The following WDR19 variants were observed in gnomAD, a reference collection of about 807,000 sequenced individuals.
The protein encoded by WDR19 is WD repeat-containing protein 19.
In WDR19, 121 loss-of-function variants were observed where a neutral mutation model predicts 180.0. That is an observed-to-expected ratio of 0.67 (90% CI 0.58 to 0.78). The LOEUF is 0.78. Among genes scored for constraint, WDR19 ranks in the 30% least tolerant of loss-of-function variants. The probability of loss-of-function intolerance (pLI) is 0.00; values close to 1 mark genes in which losing one functional copy is unlikely to be tolerated. For missense variants in WDR19, 1,450 were observed against 1,640.7 expected, an observed-to-expected ratio of 0.88 and a Z score of 2.01; for synonymous variants, 497 against 540.7, an observed-to-expected ratio of 0.92 and a Z score of 1.12.
At chr4:39,201,033 C>T (rs1465927132) in intron 6 of WDR19, among the ~76,000 whole-genome samples, 1 of 152,050 alleles carries the variant, frequency 6.6e-6, no homozygotes, top group Non-Finnish European at 1.5e-5. Context: ...GTCAGAGAGT[C>T]CTAAAACTTC....
chr4:39,224,032 T>C (rs1272277911), intron 14 of WDR19, among the ~76,000 whole-genome samples: 1 of 152,198 alleles, frequency 6.6e-6, no homozygotes, highest in East Asian at 1.9e-4. Flanking sequence ...GTTTTATAAT[T>C]TTCAGCATAC....
At chr4:39,283,645 G>A (rs565979666) in intron 36 of WDR19, among the ~76,000 whole-genome samples, 106 of 151,658 alleles carry the variant, frequency 7.0e-4, no homozygotes, top group African/African-American at 2.5e-3. Flanking sequence ...TATAAATCCT[G>A]TAATACAATG....
intron 9 of WDR19, among the ~76,000 whole-genome samples, chr4:39,209,885 A>G (rs1011608760): frequency 1.3e-5 from 2 of 152,210 alleles, no homozygotes; most frequent in African/African-American, 4.8e-5. Flanking sequence ...ATAAAGGAAT[A>G]CTACAAACAA....
intron 9 of WDR19, among the ~76,000 whole-genome samples, chr4:39,214,145 CCAAATTTAATGTTCTTTCTATA>C (rs1449332104): frequency 5.3e-5 from 8 of 152,130 alleles, no homozygotes; most frequent in Non-Finnish European, 1.0e-4. Context: ...TCCTTCTGAT[CCAAATTTAATGTTCTTTCTATA>C]CTATAATTCA....
intron 9 of WDR19, among the ~76,000 whole-genome samples, chr4:39,208,542 A>G (rs1353171075): frequency 6.6e-6 from 1 of 151,986 alleles, no homozygotes; most frequent in Non-Finnish European, 1.5e-5. Flanking sequence ...ACCTCAAGTG[A>G]TCCACCCGCC....
In WDR19 at chr4:39,285,795, AAAATT is replaced by A. The variant is rs1301101610; in HGVS notation, c.*323_*327del. ...TTTGTATTTTGAAAAACTTTAAAAT[AAAATT>A]GTTGACTAGATATCTGTGACGTTTT... On this transcript the variant is annotated 3_prime_UTR_variant, in exon 37 of 37. Coordinates refer to ENST00000399820, the MANE Select transcript of WDR19 (RefSeq NM_025132.4). 6.6e-6 allele frequency: 1 copy of A among 152,244 alleles called. No individual in the cohort carries two copies. Among genetic ancestry groups the A allele is most frequent in the African/African-American group, 2.4e-5 (1 of 41,462 alleles). 9.4% of individuals were successfully genotyped at this position (152,244 alleles called of 1,614,324 possible).
chr4:39,191,687 A>G (rs1354745049), intron 4 of WDR19, among the ~76,000 whole-genome samples: 1 of 152,224 alleles, frequency 6.6e-6, no homozygotes, highest in African/African-American at 2.4e-5. Flanking sequence ...TTCATCAACC[A>G]GTTCATTCTT....
At chr4:39,249,960 A>C (rs1294360229) in intron 24 of WDR19, among the ~76,000 whole-genome samples, 4 of 152,216 alleles carry the variant, frequency 2.6e-5, no homozygotes, top group Non-Finnish European at 5.9e-5. Flanking sequence ...ATTCCAATCA[A>C]TAGAAAAAGA....
chr4:39,237,066 A>C (rs929055040), intron 20 of WDR19, among the ~76,000 whole-genome samples: 1 of 152,218 alleles, frequency 6.6e-6, no homozygotes, highest in Non-Finnish European at 1.5e-5. Flanking sequence ...TTCTTTTGAC[A>C]TTTATTATGA....
chr4:39,200,757 A>T (rs1234944542), intron 6 of WDR19, among the ~76,000 whole-genome samples: 1 of 152,212 alleles, frequency 6.6e-6, no homozygotes. Flanking sequence ...TAGGGCAGGG[A>T]TGGGGACCAC....
intron 14 of WDR19, among the ~76,000 whole-genome samples, chr4:39,219,934 T>C (rs1367375310): frequency 6.6e-6 from 1 of 152,090 alleles, no homozygotes; most frequent in Non-Finnish European, 1.5e-5. Context: ...TTTAGCAAAA[T>C]AGTGGCCGGT....
chr4:39,211,536 A>T (rs554236213), intron 9 of WDR19, among the ~76,000 whole-genome samples: 10 of 152,342 alleles, frequency 6.6e-5, no homozygotes, highest in Admixed American at 3.9e-4. Flanking sequence ...CAACTCCTAG[A>T]ACTAAAACTA....
At chr4:39,197,425 C>CA (rs11343008) in intron 5 of WDR19, among the ~76,000 whole-genome samples, 226 of 113,334 alleles carry the variant, frequency 2.0e-3, no homozygotes, top group African/African-American at 7.3e-3. Context: ...GACTCTATCT[C>CA]AAAAAAAAAA....
intron 31 of WDR19, among the ~76,000 whole-genome samples, chr4:39,270,479 A>G (rs59960384): frequency 0.13 from 19,910 of 152,116 alleles, 1,574 homozygotes; most frequent in East Asian, 0.21. Flanking sequence ...AGGTTCAAGC[A>G]ATTCTTCTGC....
intron 20 of WDR19, among the ~76,000 whole-genome samples, chr4:39,237,257 C>A (rs1731476605): frequency 6.6e-6 from 1 of 152,140 alleles, no homozygotes; most frequent in African/African-American, 2.4e-5. Flanking sequence ...AGGAGTTATT[C>A]TGTCAAAAAG....
intron 6 of WDR19, among the ~76,000 whole-genome samples, chr4:39,201,431 G>T (rs997097252): frequency 6.6e-6 from 1 of 152,126 alleles, no homozygotes; most frequent in African/African-American, 2.4e-5. Context: ...AGATGACTAT[G>T]TACCTTGCTA....
chr4:39,274,769 G>C (rs375132990), intron 32 of WDR19, 39 bp from the exon 33 acceptor site: 2 of 1,600,214 alleles, frequency 1.2e-6, no homozygotes, highest in Non-Finnish European at 1.7e-6. Context: ...GAGGACAGCA[G>C]ACACTGTGCT....
In WDR19 at chr4:39,228,561, T is replaced by G; in HGVS notation, c.1853T>G (p.Leu618Arg). The G allele has an allele frequency of 6.2e-7, 1 of 1,613,978 alleles. No individual in the cohort carries two copies. The highest frequency in any genetic ancestry group is 8.5e-7 in the Non-Finnish European group (1 of 1,179,854). ...HKPLLLYNGE[L>R]TCQTQSGKVN... ...CCTTTGCTGCTATATAATGGAGAGC[T>G]GACCTGCCAAACACAGAGTGGAAAA... Residue 618 changes from leucine to arginine, a missense_variant, in exon 17 of 37, where the codon CTG (leucine) becomes CGG (arginine). By Grantham distance (102) the Leu-to-Arg change is moderately radical. Transcript: ENST00000399820.
chr4:39,201,149 A>G (rs1577862133), intron 6 of WDR19, among the ~76,000 whole-genome samples: 1 of 152,070 alleles, frequency 6.6e-6, no homozygotes, highest in South Asian at 2.1e-4. Flanking sequence ...GCTTCACTAA[A>G]TTGTACCGAG....
Sources: allele counts gnomAD v4.1 joint callset (sites outside exome capture counted in the v4.1 genomes callset), GRCh38; gene constraint gnomAD v4.1.1; transcripts MANE v1.5; gene names NCBI Gene and HGNC (gene_info 2026-07-23, HGNC 2026-07-21).